The following ABCC11 variants were observed in gnomAD, a reference collection of about 807,000 sequenced individuals.
ABCC11 encodes the protein ATP-binding cassette sub-family C member 11.
Under a neutral mutation model 149.3 loss-of-function variants are expected in ABCC11, and 135 were observed. That is an observed-to-expected ratio of 0.90 (90% CI 0.79 to 1.04). The LOEUF is 1.04. Among genes scored for constraint, ABCC11 ranks in the 50% least tolerant of loss-of-function variants. The pLI, the probability that ABCC11 is intolerant of heterozygous loss-of-function variation, is 0.00. For missense variants in ABCC11, 1,680 were observed against 1,722.1 expected (o/e 0.98, Z 0.43); for synonymous variants, 665 against 671.4 (o/e 0.99, Z 0.15).
intron 15 of ABCC11, among the ~76,000 whole-genome samples, chr16:48,199,341 T>C (rs1160883444): frequency 6.6e-6 from 1 of 151,954 alleles, no homozygotes; most frequent in East Asian, 1.9e-4. Flanking sequence ...GGGTGGTAGA[T>C]ACATGGGTTT....
At chr16:48,190,361 TG>T (rs1260332097) in intron 20 of ABCC11, among the ~76,000 whole-genome samples, 2 of 151,524 alleles carry the variant, frequency 1.3e-5, no homozygotes, top group Non-Finnish European at 2.9e-5. Flanking sequence ...ATAAGCAATT[TG>T]GTTTTTTTTT....
chr16:48,221,186 T>C (rs1596815051), intron 6 of ABCC11, among the ~76,000 whole-genome samples: 2 of 151,962 alleles, frequency 1.3e-5, no homozygotes, highest in East Asian at 3.9e-4. Flanking sequence ...CAGGAAGAGA[T>C]GAGGCTGGAA....
intron 24 of ABCC11, among the ~76,000 whole-genome samples, chr16:48,177,508 CT>C (rs956293050): frequency 9.2e-5 from 14 of 152,218 alleles, no homozygotes; most frequent in African/African-American, 3.4e-4. Context: ...TGAGACAGGC[CT>C]TTTTGGAGGC....
rs74016321 is a variant in ABCC11 at position 48,229,935 on chromosome 16, C to T, written c.236+502G>A. Among the ~76,000 whole-genome samples the T allele has an allele frequency of 5.5e-3, 843 of 152,254 alleles. 6 individuals carry two copies. Among genetic ancestry groups the T allele is most frequent in the African/African-American group, 0.019 (792 of 41,542 alleles). ...CCTTGCCCCTCCAGGCAAGGCTGTC[C>T]CACAGGCTGTTCCTTGATCATTCTT... On this transcript the variant is annotated intron_variant, in intron 3 of 29. Transcript: ENST00000356608.
At chr16:48,188,979 G>A (rs539786290) in intron 20 of ABCC11, among the ~76,000 whole-genome samples, 3 of 152,332 alleles carry the variant, frequency 2.0e-5, no homozygotes, top group African/African-American at 7.2e-5. Flanking sequence ...TGCTCTCATC[G>A]CAAATGCATG....
chr16:48,243,224 AC>A (rs1365411505), intron 1 of ABCC11, among the ~76,000 whole-genome samples: 1 of 151,138 alleles, frequency 6.6e-6, no homozygotes, highest in Non-Finnish European at 1.5e-5. Flanking sequence ...ACATGGCGAA[AC>A]CCCGTCTCTA....
At chr16:48,168,133 G>A (rs1309735818) in intron 28 of ABCC11, among the ~76,000 whole-genome samples, 1 of 152,166 alleles carries the variant, frequency 6.6e-6, no homozygotes, top group Non-Finnish European at 1.5e-5. Flanking sequence ...CTGAAAGTGT[G>A]ATTTCACAAA....
intron 27 of ABCC11, 117 bp downstream of exon 27, chr16:48,170,772 T>C (rs1004585991): frequency 3.9e-5 from 35 of 898,906 alleles, no homozygotes; most frequent in Non-Finnish European, 6.0e-5. Context: ...CATGAGATGA[T>C]GCATCCATGA....
At chr16:48,237,659 C>T (rs1970752675) in intron 1 of ABCC11, among the ~76,000 whole-genome samples, 2 of 152,146 alleles carry the variant, frequency 1.3e-5, no homozygotes, top group Admixed American at 1.3e-4. Context: ...TAGAGTAAGA[C>T]CCAAACTCCT....
intron 1 of ABCC11, among the ~76,000 whole-genome samples, chr16:48,240,884 C>A (rs1185097188): frequency 6.6e-6 from 1 of 151,960 alleles, no homozygotes; most frequent in Non-Finnish European, 1.5e-5. Flanking sequence ...AGATTCAAAT[C>A]GTCATTAATA....
chr16:48,198,942 C>A (rs1967686036), intron 15 of ABCC11, among the ~76,000 whole-genome samples: 1 of 151,744 alleles, frequency 6.6e-6, no homozygotes, highest in East Asian at 1.9e-4. Flanking sequence ...GAGGCTGAGG[C>A]AGAATTGCTT....
chr16:48,196,560 C>G (rs1033562596), intron 17 of ABCC11, among the ~76,000 whole-genome samples: 1 of 152,162 alleles, frequency 6.6e-6, no homozygotes, highest in Non-Finnish European at 1.5e-5. Flanking sequence ...CGGGGTCTCA[C>G]GTGTGTGATG....
intron 4 of ABCC11, among the ~76,000 whole-genome samples, chr16:48,225,569 C>T (rs1395388827): frequency 6.6e-6 from 1 of 152,102 alleles, no homozygotes; most frequent in African/African-American, 2.4e-5. Flanking sequence ...GTCACTAGAC[C>T]TAAGGCTTAA....
intron 28 of ABCC11, among the ~76,000 whole-genome samples, 165 bp downstream of exon 28, chr16:48,169,940 C>G (rs1489702985): frequency 2.0e-5 from 3 of 150,912 alleles, no homozygotes; most frequent in African/African-American, 7.4e-5. Context: ...AATGAATAAG[C>G]CCTTTGGATT....
At chr16:48,246,064 G>A (rs1328698378) in intron 1 of ABCC11, among the ~76,000 whole-genome samples, 3 of 151,872 alleles carry the variant, frequency 2.0e-5, no homozygotes, top group Non-Finnish European at 4.4e-5. Context: ...ATTTTTTTAG[G>A]AGAATCCTTT....
rs1378398231 is a variant in ABCC11 at position 48,197,970 on chromosome 16, C to T, written c.2314+1G>A. On this transcript the variant is annotated splice_donor_variant, in intron 17 of 29. Coordinates refer to ENST00000356608, the MANE Select transcript of ABCC11 (RefSeq NM_001370497.1). LOFTEE classifies it high-confidence loss of function. ...TCTTGTCCTATCTCCCACACCATTA[C>T]CAGCATTTCCGTTGAGAGACTCTTC... 1.2e-6 allele frequency: 2 copies of T among 1,613,872 alleles called. No individual in the cohort carries two copies. The highest frequency in any genetic ancestry group is 4.5e-5 in the East Asian group (2 of 44,888).
chr16:48,170,966 A>G lies in ABCC11; in HGVS notation c.3700T>C (p.Phe1234Leu). The G allele has an allele frequency of 1.2e-6, 2 of 1,610,304 alleles. No homozygotes were observed. Among genetic ancestry groups the G allele is most frequent in the Non-Finnish European group, 1.7e-6 (2 of 1,176,484 alleles). Residue 1234 changes from phenylalanine to leucine, a missense_variant and splice_region_variant, in exon 27 of 30, where the codon TTC becomes CTC. Physicochemically the swap from Phe to Leu is conservative, Grantham distance 22. Coordinates refer to ENST00000356608, the MANE Select transcript of ABCC11 (RefSeq NM_001370497.1). ...DPVLLSGTIR[F>L]NLDPFDRHTD... The stretch of plus-strand genomic sequence containing the variant: ...TGACGGTCAAAGGGATCTAGGTTGA[A>G]TCTACCATATGAGAGAAAGAGAAGT...
At chr16:48,167,708 G>T in intron 28 of ABCC11, 48 bp from the exon 29 acceptor site, 4 of 1,601,704 alleles carry the variant, frequency 2.5e-6, no homozygotes, top group Non-Finnish European at 3.4e-6. Flanking sequence ...AGGCCCTAGA[G>T]ACCTGGGTCT....
chr16:48,192,908 C>G (rs1392993387), intron 19 of ABCC11, among the ~76,000 whole-genome samples, 191 bp from the exon 20 acceptor site: 1 of 152,166 alleles, frequency 6.6e-6, no homozygotes, highest in Non-Finnish European at 1.5e-5. Flanking sequence ...TGCATCAGGC[C>G]CTCAGAGTCT....
Sources: allele counts gnomAD v4.1 joint callset (sites outside exome capture counted in the v4.1 genomes callset), GRCh38; gene constraint gnomAD v4.1.1; transcripts MANE v1.5; gene names NCBI Gene and HGNC (gene_info 2026-07-23, HGNC 2026-07-21).